GALNS: variants seen among roughly 807,000 people sequenced by gnomAD.
GALNS encodes galactosamine (N-acetyl)-6-sulfatase.
In GALNS, 65 loss-of-function variants were observed where a neutral mutation model predicts 65.9. The ratio of observed to expected loss-of-function variants is 0.99; its 90% CI spans 0.81 to 1.21. The LOEUF (loss-of-function observed/expected upper bound fraction) is 1.21, where lower values mean the gene tolerates loss of function less well. GALNS is among the 50% of genes most tolerant of loss of function. The pLI is 0.00. For synonymous variants in GALNS, 346 were observed against 288.9 expected (o/e 1.20, Z -2.00); for missense variants, 776 against 700.7 (o/e 1.11, Z -1.21).
At chr16:88,831,053 C>A in intron 9 of GALNS, among the ~76,000 whole-genome samples, 1 of 152,202 alleles carries the variant, frequency 6.6e-6, no homozygotes. Context: ...GGTGACTGGA[C>A]CACGGATGTC....
chr16:88,827,081 C>T, intron 9 of GALNS: 8 of 591,242 alleles, frequency 1.4e-5, no homozygotes, highest in Non-Finnish European at 2.1e-5. Flanking sequence ...CCCTTCTCTG[C>T]CTCTGTGGAT....
chr16:88,848,649 G>A (rs958359255), intron 1 of GALNS, among the ~76,000 whole-genome samples: 4 of 152,148 alleles, frequency 2.6e-5, no homozygotes, highest in South Asian at 2.1e-4. Context: ...CTGCTGGGTC[G>A]GGGCCGGTGG....
chr16:88,848,357 G>A (rs575677758), intron 1 of GALNS, among the ~76,000 whole-genome samples: 198 of 152,268 alleles, frequency 1.3e-3, no homozygotes, highest in African/African-American at 4.6e-3. Flanking sequence ...AAGGCCGGGC[G>A]CGGTGGTTCA....
intron 13 of GALNS, chr16:88,815,964 C>T (rs1597518885): frequency 4.1e-6 from 4 of 985,438 alleles, no homozygotes; most frequent in South Asian, 4.7e-5. Flanking sequence ...GAGCCCCTCT[C>T]CTGGGGCTGG....
intron 1 of GALNS, chr16:88,855,088 T>C (rs1967727051): frequency 2.3e-6 from 1 of 440,532 alleles, no homozygotes. Context: ...CAATTCCCTA[T>C]TTACCGGGAG....
At chr16:88,842,025 C>A (rs1256440071) in intron 2 of GALNS, 54 bp from the exon 3 acceptor site, 1 of 1,520,414 alleles carries the variant, frequency 6.6e-7, no homozygotes, top group Non-Finnish European at 9.0e-7. Flanking sequence ...GGCTCAGACC[C>A]CGGGCGTCAA....
rs147290567 is a variant in GALNS, at chr16:88,818,075, C to T, written c.1414G>A (p.Val472Ile). The T allele has an allele frequency of 1.2e-4, 183 of 1,574,454 alleles. 1 individual carries two copies. The highest frequency in any genetic ancestry group is 8.3e-4 in the Middle Eastern group (5 of 6,036). ...ACCAAGGCCTCCTGGTGCTGCTGGA[C>T]GACCGAGGTGATCCTGCTGAGGGCC... ...QEALSRITSV[V>I]QQHQEALVPA... Residue 472 changes from valine to isoleucine, a missense_variant, in exon 13 of 14, where the codon GTC (valine) becomes ATC (isoleucine). Coordinates refer to ENST00000268695, the MANE Select transcript of GALNS (RefSeq NM_000512.5).
chr16:88,814,577 G>A (rs1442366604), intron 13 of GALNS, 52 bp from the exon 14 acceptor site: 2 of 1,548,698 alleles, frequency 1.3e-6, no homozygotes, highest in South Asian at 1.2e-5. Flanking sequence ...AGCTCTTCTG[G>A]ACCCAGCAGC....
At chr16:88,815,689 T>C (rs1222361274) in intron 13 of GALNS, 1 of 985,344 alleles carries the variant, frequency 1.0e-6, no homozygotes, top group East Asian at 1.1e-4. Context: ...CTTTGGATTC[T>C]GGGTGCTGCT....
At chr16:88,835,608 G>T in intron 7 of GALNS, 117 bp downstream of exon 7, 1 of 1,504,140 alleles carries the variant, frequency 6.6e-7, no homozygotes, top group Non-Finnish European at 9.2e-7. Context: ...AAGGGGTGGG[G>T]TTGCTCTGGC....
intron 10 of GALNS, 47 bp from the exon 11 acceptor site, chr16:88,824,916 T>C (rs776399911): frequency 1.3e-6 from 2 of 1,506,790 alleles, no homozygotes; most frequent in South Asian, 1.1e-5. Flanking sequence ...AAGGACACGC[T>C]GGGGCCACCT....
chr16:88,856,568 C>A, intron 1 of GALNS, 190 bp downstream of exon 1: 1 of 621,466 alleles, frequency 1.6e-6, no homozygotes, highest in South Asian at 1.5e-5. Context: ...CCTCCCCCTC[C>A]CCGCACGGGG....
intron 6 of GALNS, 63 bp downstream of exon 6, chr16:88,836,138 G>A: frequency 6.9e-7 from 1 of 1,440,816 alleles, no homozygotes; most frequent in African/African-American, 1.4e-5. Context: ...CCCACAGGAT[G>A]AGGTTGGTGC....
At chr16:88,843,012 C>T (rs1331615881) in intron 1 of GALNS, 183 bp from the exon 2 acceptor site, 1 of 1,526,606 alleles carries the variant, frequency 6.6e-7, no homozygotes, top group Admixed American at 2.0e-5. Flanking sequence ...GATGGGGCCG[C>T]TCCACGCCAG....
intron 9 of GALNS, among the ~76,000 whole-genome samples, chr16:88,830,672 C>A (rs1009637291): frequency 6.6e-6 from 1 of 152,208 alleles, no homozygotes; most frequent in African/African-American, 2.4e-5. Flanking sequence ...GATTCTCAAC[C>A]GAGGGGCAGC....
At chr16:88,836,394 G>A (rs1236291565) in intron 5 of GALNS, 127 bp from the exon 6 acceptor site, 5 of 791,486 alleles carry the variant, frequency 6.3e-6, no homozygotes, top group South Asian at 1.5e-5. Flanking sequence ...CATGGCTCAT[G>A]CCTGTAATCC....
intron 1 of GALNS, among the ~76,000 whole-genome samples, chr16:88,850,502 G>A (rs536103356): frequency 6.6e-6 from 1 of 152,282 alleles, no homozygotes; most frequent in African/African-American, 2.4e-5. Flanking sequence ...ATACTGCGGG[G>A]AGGAGTCCCA....
At chr16:88,815,636 C>A in intron 13 of GALNS, 1 of 985,476 alleles carries the variant, frequency 1.0e-6, no homozygotes, top group South Asian at 4.7e-5. Flanking sequence ...TTCTGTGCCA[C>A]GTCAGACGCC....
At chr16:88,852,779 G>T (rs1219901486) in intron 1 of GALNS, among the ~76,000 whole-genome samples, 1 of 152,144 alleles carries the variant, frequency 6.6e-6, no homozygotes, top group Non-Finnish European at 1.5e-5. Flanking sequence ...TGGAAGAAAG[G>T]GTATCAGTGA....
Sources: gnomAD v4.1 joint callset for allele counts (sites outside exome capture counted in the v4.1 genomes callset) on GRCh38, gnomAD v4.1.1 for gene constraint, MANE v1.5 for transcripts, NCBI Gene and HGNC (gene_info 2026-07-23, HGNC 2026-07-21) for gene names.